PLEKHG1: variants seen among roughly 807,000 people sequenced by gnomAD.
The protein encoded by PLEKHG1 is pleckstrin homology domain-containing family G member 1.
Under a neutral mutation model 100.8 loss-of-function variants are expected in PLEKHG1, and 44 were observed. The observed-to-expected ratio is 0.44, with a 90% CI of 0.34 to 0.56. PLEKHG1 has a LOEUF of 0.56. Ranked by LOEUF, PLEKHG1 falls within the 20% of genes least tolerant of loss-of-function variation. PLEKHG1 has a pLI of 0.01. For missense variants in PLEKHG1, 1,545 were observed against 1,720.9 expected, an observed-to-expected ratio of 0.90 and a Z score of 1.81; for synonymous variants, 640 against 662.5, an observed-to-expected ratio of 0.97 and a Z score of 0.52.
intron 2 of PLEKHG1, among the ~76,000 whole-genome samples, chr6:150,746,295 G>A (rs761637058): frequency 1.2e-4 from 19 of 152,142 alleles, no homozygotes; most frequent in Admixed American, 1.3e-4. Context: ...TATTAATCTC[G>A]TGGGAACAAA....
intron 1 of PLEKHG1, among the ~76,000 whole-genome samples, chr6:150,634,453 C>T (rs1242432967): frequency 1.3e-5 from 2 of 152,110 alleles, no homozygotes; most frequent in Non-Finnish European, 2.9e-5. Context: ...ATAGTATGCC[C>T]TCAGTATGTT....
chr6:150,734,119 T>C, intron 2 of PLEKHG1, 27 bp downstream of exon 3: 2 of 1,581,376 alleles, frequency 1.3e-6, no homozygotes, highest in South Asian at 1.2e-5. Context: ...TTTTAATGTT[T>C]GCCATGCAGG....
intron 3 of PLEKHG1, among the ~76,000 whole-genome samples, chr6:150,654,339 C>T (rs1778876530): frequency 6.6e-6 from 1 of 152,160 alleles, no homozygotes; most frequent in African/African-American, 2.4e-5. Flanking sequence ...GTTTTCCAGC[C>T]TAGATTTTGC....
upstream of PLEKHG1, among the ~76,000 whole-genome samples, chr6:150,718,766 C>T (rs1781539766): frequency 6.6e-6 from 1 of 152,092 alleles, no homozygotes; most frequent in Admixed American, 6.5e-5. Context: ...CCGCGCCTGG[C>T]CTTTCTTCCC....
At chr6:150,819,220 T>C (rs73615040) in intron 11 of PLEKHG1, among the ~76,000 whole-genome samples, 3,270 of 150,504 alleles carry the variant, frequency 0.022, 125 homozygotes, top group African/African-American at 0.076. Context: ...GAGATACATA[T>C]ACAGCAGCAA....
exon 14 of PLEKHG1, chr6:150,823,656 A>G: frequency 1.9e-6 from 3 of 1,608,848 alleles, no homozygotes; most frequent in Middle Eastern, 1.7e-4. Context: ...TTTTTCAGAA[A>G]CAGCACAAGA....
Position 150,744,973 on chromosome 6 carries a change from G to A in PLEKHG1, c.411+10881G>A, listed in dbSNP as rs141082862. On this transcript the variant is annotated intron_variant, in intron 2 of 15. Transcript: ENST00000358517. ...TCTAAGACCCAAGAAGGAGAGTATAGATGATAGAGGGAAAGAGCTATGTGA... is the reference window on the plus strand; with the variant it reads ...TCTAAGACCCAAGAAGGAGAGTATAAATGATAGAGGGAAAGAGCTATGTGA... Among the ~76,000 whole-genome samples, 6 of 152,332 alleles carry A rather than the reference G, an allele frequency of 3.9e-5. No homozygotes were observed. In the East Asian group the frequency reaches 1.2e-3, roughly 29 times the overall value.
At chr6:150,665,513 C>T (rs546140280) in intron 3 of PLEKHG1, among the ~76,000 whole-genome samples, 2 of 152,098 alleles carry the variant, frequency 1.3e-5, no homozygotes, top group Admixed American at 1.3e-4. Flanking sequence ...GCCTGTAGTC[C>T]CAGCTACTCA....
chr6:150,656,024 C>T (rs930671932), intron 3 of PLEKHG1, among the ~76,000 whole-genome samples: 6 of 151,690 alleles, frequency 4.0e-5, no homozygotes, highest in African/African-American at 9.7e-5. Flanking sequence ...TGTAGCAGAC[C>T]GACATGGCAC....
intron 1 of PLEKHG1, among the ~76,000 whole-genome samples, chr6:150,630,820 A>G (rs1179513204): frequency 6.6e-6 from 1 of 152,160 alleles, no homozygotes; most frequent in Non-Finnish European, 1.5e-5. Context: ...GCACCCCAGC[A>G]CTTGGAAGAT....
chr6:150,760,635 CT>C (rs34394040), intron 2 of PLEKHG1, among the ~76,000 whole-genome samples: 33,470 of 115,634 alleles, frequency 0.29, 5,155 homozygotes, highest in African/African-American at 0.53. Context: ...AAATGCTTTG[CT>C]TTTTTTTTTT....
intron 12 of PLEKHG1, 37 bp downstream of exon 13, chr6:150,819,811 G>A: frequency 8.6e-7 from 1 of 1,158,254 alleles, no homozygotes; most frequent in Non-Finnish European, 1.3e-6. Context: ...TAATTCTAAT[G>A]GGGGACTGGC....
chr6:150,658,250 T>A (rs1159484068), intron 3 of PLEKHG1, among the ~76,000 whole-genome samples: 1 of 152,196 alleles, frequency 6.6e-6, no homozygotes, highest in Non-Finnish European at 1.5e-5. Flanking sequence ...GAAGGTTACA[T>A]CTGTGATAAA....
At chr6:150,733,190 T>C (rs1256076687) in intron 1 of PLEKHG1, among the ~76,000 whole-genome samples, 3 of 152,196 alleles carry the variant, frequency 2.0e-5, no homozygotes, top group Non-Finnish European at 4.4e-5. Flanking sequence ...AAGTGATCAA[T>C]TCCTGGTGCC....
intron 3 of PLEKHG1, chr6:150,686,746 G>A (rs1780145569): frequency 6.6e-6 from 1 of 152,322 alleles, no homozygotes; most frequent in Non-Finnish European, 1.5e-5. Flanking sequence ...GGAGATGAGG[G>A]CGGGAGGAAC....
chr6:150,757,753 G>A (rs949495824), intron 2 of PLEKHG1, among the ~76,000 whole-genome samples: 17 of 152,204 alleles, frequency 1.1e-4, no homozygotes, highest in African/African-American at 3.1e-4. Flanking sequence ...GTTTTATTAC[G>A]TAGGTAAACA....
chr6:150,655,346 G>A (rs527360674), intron 3 of PLEKHG1, among the ~76,000 whole-genome samples: 78 of 152,182 alleles, frequency 5.1e-4, no homozygotes, highest in African/African-American at 1.8e-3. Flanking sequence ...TATTTATTGC[G>A]GCACTGCTCA....
At chr6:150,818,984 C>T (rs1322225577) in intron 11 of PLEKHG1, among the ~76,000 whole-genome samples, 2 of 152,172 alleles carry the variant, frequency 1.3e-5, no homozygotes, top group East Asian at 1.9e-4. Flanking sequence ...CAGGTGCATT[C>T]CCACCATCGC....
intron 12 of PLEKHG1, 138 bp from the exon 14 acceptor site, chr6:150,821,057 T>A (rs376623334): frequency 1.1e-4 from 76 of 661,580 alleles, no homozygotes; most frequent in Middle Eastern, 8.1e-4. Context: ...CTCTGAGCAA[T>A]GGGGATTTTG....
Sources: gnomAD v4.1 joint callset for allele counts (sites outside exome capture counted in the v4.1 genomes callset) on GRCh38, gnomAD v4.1.1 for gene constraint, MANE v1.5 for transcripts, NCBI Gene and HGNC (gene_info 2026-07-23, HGNC 2026-07-21) for gene names.